Variants in ARHGAP18 observed in about 807,000 individuals in gnomAD.
ARHGAP18 encodes the protein Rho GTPase activating protein 18, also known as rho GTPase-activating protein 18.
In ARHGAP18, 67 loss-of-function variants were observed where a neutral mutation model predicts 86.2. The observed-to-expected ratio is 0.78, with a 90% confidence interval of 0.64 to 0.95. The LOEUF (loss-of-function observed/expected upper bound fraction) is 0.95, where lower values mean the gene tolerates loss of function less well. Among genes scored for constraint, ARHGAP18 ranks in the 40% least tolerant of loss-of-function variants. The pLI, the probability that ARHGAP18 is intolerant of heterozygous loss-of-function variation, is 0.00. For synonymous variants in ARHGAP18, 283 were observed against 280.4 expected (o/e 1.01, Z -0.09); for missense variants, 691 against 780.4 (o/e 0.89, Z 1.37).
Position 129,578,424 on chromosome 6 carries a change from T to A in ARHGAP18, c.*89A>T, listed in dbSNP as rs533476180. 3.0e-6 allele frequency: 3 copies of A among 999,042 alleles called. No individual in the cohort carries two copies. In the South Asian group the frequency reaches 5.1e-5, roughly 17 times the overall value. 61.9% of individuals were successfully genotyped at this position (999,042 alleles called of 1,614,324 possible). ...AATACTTGGGTACAACTGAATAATA[T>A]GAGTCCTGCCATTTCTTTTATTTAC... is the stretch of plus-strand genomic sequence containing the variant. On this transcript the variant is annotated 3_prime_UTR_variant, in exon 15 of 15. Coordinates refer to ENST00000368149, the MANE Select transcript of ARHGAP18 (RefSeq NM_033515.3).
chr6:129,591,433 A>G lies in ARHGAP18; in HGVS notation c.1714-7321T>C, dbSNP rs188802232. 7.0e-4 allele frequency among the ~76,000 whole-genome samples: 106 copies of G among 152,326 alleles called. 1 individual carries two copies. The highest frequency in any genetic ancestry group is 5.4e-3 in the Admixed American group (83 of 15,296). ...GCAGTATTTGACTAACACTCCATCA[A>G]AGAAAAGTCACAAAGGATTTTACAA... On this transcript the variant is annotated intron_variant, in intron 12 of 14. Coordinates refer to ENST00000368149, the MANE Select transcript of ARHGAP18 (RefSeq NM_033515.3).
chr6:129,685,826 A>G (rs925779066), intron 1 of ARHGAP18, among the ~76,000 whole-genome samples: 3 of 152,062 alleles, frequency 2.0e-5, no homozygotes, highest in Non-Finnish European at 2.9e-5. Flanking sequence ...TTAATACTTG[A>G]GTTCCCAGAA....
In ARHGAP18 at chr6:129,639,776, G is replaced by A. The variant is rs545739096; in HGVS notation, c.317-1147C>T. ...GTAAGTCAGCAAGGCCGGGCATGGT[G>A]GCTCAGGCTTGTAATCCCAGCACTT... On this transcript the variant is annotated intron_variant, in intron 2 of 14. Transcript: ENST00000368149. Among the ~76,000 whole-genome samples the A allele has an allele frequency of 3.3e-5, 5 of 152,268 alleles. No individual in the cohort carries two copies. In the South Asian group the frequency reaches 1.0e-3, roughly 32 times the overall value.
intron 5 of ARHGAP18, among the ~76,000 whole-genome samples, chr6:129,625,675 T>TA (rs1789414071): frequency 2.7e-5 from 1 of 36,824 alleles, no homozygotes; most frequent in Non-Finnish European, 5.8e-5. Context: ...TTATATTATA[T>TA]TATATATATT....
At chr6:129,614,165 A>G (rs1219664643) in intron 7 of ARHGAP18, among the ~76,000 whole-genome samples, 1 of 152,220 alleles carries the variant, frequency 6.6e-6, no homozygotes, top group Non-Finnish European at 1.5e-5. Flanking sequence ...AAGCTTTGTT[A>G]GTGTCCTTTT....
intron 7 of ARHGAP18, among the ~76,000 whole-genome samples, chr6:129,612,868 C>A (rs1260781063): frequency 6.6e-6 from 1 of 152,154 alleles, no homozygotes; most frequent in Non-Finnish European, 1.5e-5. Flanking sequence ...TCTCAAAATT[C>A]TCCTAAGGAT....
chr6:129,579,884 C>T (rs1019888552), intron 14 of ARHGAP18, among the ~76,000 whole-genome samples, 186 bp downstream of exon 14: 2 of 152,156 alleles, frequency 1.3e-5, no homozygotes, highest in Non-Finnish European at 2.9e-5. Context: ...GGCATTTGTA[C>T]AGGCGCTCAA....
intron 1 of ARHGAP18, among the ~76,000 whole-genome samples, chr6:129,703,881 AC>A (rs1191008339): frequency 2.0e-5 from 3 of 152,264 alleles, no homozygotes; most frequent in Non-Finnish European, 2.9e-5. Context: ...ATGAGGAAAT[AC>A]GCTTTAGAAG....
chr6:129,638,584 T>A lies in ARHGAP18; in HGVS notation c.362A>T (p.Asn121Ile), dbSNP rs532064655. The A allele has an allele frequency of 5.6e-6, 9 of 1,614,166 alleles. No individual in the cohort carries two copies. In the South Asian group the frequency reaches 8.8e-5, roughly 16 times the overall value. The change falls in exon 3 of 15, where the codon AAT becomes ATT. Residue 121 changes from asparagine to isoleucine, a missense_variant. Transcript: ENST00000368149. ...ATCTCCAGCAGACTCTCCGAAGAGA[T>A]TGGATAAACCGGCCTCTTTAAGCCA... ...EEWLKEAGLS[N>I]LFGESAGDPQ...
rs1397182807 is a variant in ARHGAP18 at position 129,576,445 on chromosome 6, A to G, written c.*2068T>C. 1 of 152,220 alleles carries G rather than the reference A, an allele frequency of 6.6e-6. No individual in the cohort carries two copies. The highest frequency in any genetic ancestry group is 2.4e-5 in the African/African-American group (1 of 41,450). The allele number at this position is 152,220 out of a possible 1,614,324, so 9.4% of individuals were successfully genotyped here. A position where few individuals can be genotyped will look rare whatever the true frequency, so the allele number is the denominator to read the frequency against. ...TGCTGTACTCCAATCTGGAAAACAGAGCAAGACCCTGTCTCTAAAAAATTT... is the reference window on the plus strand; with the variant it reads ...TGCTGTACTCCAATCTGGAAAACAGGGCAAGACCCTGTCTCTAAAAAATTT... On this transcript the variant is annotated 3_prime_UTR_variant, in exon 15 of 15. Transcript: ENST00000368149.
chr6:129,636,694 T>C (rs187926992), intron 3 of ARHGAP18, among the ~76,000 whole-genome samples: 3 of 152,278 alleles, frequency 2.0e-5, no homozygotes, highest in Admixed American at 1.3e-4. Flanking sequence ...CTGGCCAACA[T>C]GGCGAGACCT....
chr6:129,653,657 C>G (rs999582384), intron 1 of ARHGAP18, among the ~76,000 whole-genome samples: 1 of 152,172 alleles, frequency 6.6e-6, no homozygotes, highest in African/African-American at 2.4e-5. Flanking sequence ...GTGAGATTAT[C>G]TAAAGCCACT....
chr6:129,706,184 G>C (rs1774799213), intron 1 of ARHGAP18, among the ~76,000 whole-genome samples: 1 of 152,166 alleles, frequency 6.6e-6, no homozygotes, highest in Admixed American at 6.5e-5. Flanking sequence ...AGGTAAGAGA[G>C]AACAGTAAGA....
chr6:129,605,453 T>C (rs1197374523), intron 10 of ARHGAP18, among the ~76,000 whole-genome samples: 1 of 152,174 alleles, frequency 6.6e-6, no homozygotes, highest in Non-Finnish European at 1.5e-5. Context: ...CAAACTGTCA[T>C]ATCTTTAGGT....
chr6:129,638,376 TC>T lies in ARHGAP18; in HGVS notation c.552+17del. On this transcript the variant is annotated intron_variant, in intron 3 of 14. Transcript: ENST00000368149. ...AAGCAATTATTCCTTTGCCTTAACA[TC>T]AAAAAAGAAAACCTACTGTTTCTTT... 6.2e-7 allele frequency: 1 copy of T among 1,606,304 alleles called. No individual in the cohort carries two copies. The highest frequency in any genetic ancestry group is 1.1e-5 in the South Asian group (1 of 90,540).
intron 1 of ARHGAP18, among the ~76,000 whole-genome samples, chr6:129,679,865 G>T (rs1487816657): frequency 6.6e-6 from 1 of 152,132 alleles, no homozygotes; most frequent in South Asian, 2.1e-4. Context: ...GGATCACTGG[G>T]CTGAAATCCT....
chr6:129,700,466 T>C (rs1008809761), intron 1 of ARHGAP18, among the ~76,000 whole-genome samples: 1 of 152,226 alleles, frequency 6.6e-6, no homozygotes, highest in Admixed American at 6.5e-5. Flanking sequence ...ATATTAAATG[T>C]AGTATTGAAA....
chr6:129,639,403 C>T (rs2114497391), intron 2 of ARHGAP18, among the ~76,000 whole-genome samples: 1 of 152,264 alleles, frequency 6.6e-6, no homozygotes, highest in Admixed American at 6.5e-5. Context: ...AATTGGGACA[C>T]AAAAGACCTG....
intron 1 of ARHGAP18, among the ~76,000 whole-genome samples, chr6:129,654,197 C>G (rs1468765263): frequency 6.6e-6 from 1 of 152,078 alleles, no homozygotes; most frequent in African/African-American, 2.4e-5. Context: ...ATTGTGGGAA[C>G]CTGAAAAAGG....
Sources: allele counts gnomAD v4.1 joint callset (sites outside exome capture counted in the v4.1 genomes callset), GRCh38; gene constraint gnomAD v4.1.1; transcripts MANE v1.5; gene names NCBI Gene and HGNC (gene_info 2026-07-23, HGNC 2026-07-21).